Variants in QDPR observed in about 807,000 individuals in gnomAD.
QDPR encodes quinoid dihydropteridine reductase.
Under a neutral mutation model 31.7 loss-of-function variants are expected in QDPR, and 23 were observed. The ratio of observed to expected loss-of-function variants is 0.73; its 90% confidence interval spans 0.52 to 1.03. The LOEUF (loss-of-function observed/expected upper bound fraction) is 1.03. Among genes scored for constraint, QDPR ranks in the 50% least tolerant of loss-of-function variants. The pLI, the probability that QDPR is intolerant of heterozygous loss-of-function variation, is 0.00. For synonymous variants in QDPR, 124 were observed against 124.7 expected, an observed-to-expected ratio of 0.99 and a Z score of 0.03; for missense variants, 324 against 323.8, an observed-to-expected ratio of 1.00 and a Z score of 0.00.
intron 6 of QDPR, 47 bp downstream of exon 6, chr4:17,490,615 A>G (rs753312729): frequency 1.4e-6 from 2 of 1,476,498 alleles, no homozygotes; most frequent in East Asian, 4.5e-5. Context: ...CAGGCAGAGA[A>G]TAGGGGCTGG....
chr4:17,490,439 G>A, intron 6 of QDPR: 1 of 536,598 alleles, frequency 1.9e-6, no homozygotes, highest in East Asian at 3.5e-5. Flanking sequence ...GAGCGAGCCA[G>A]GATTCATGTC....
In QDPR at chr4:17,486,598, C is replaced by T. The variant is rs940599171; in HGVS notation, c.*533G>A. On this transcript the variant is annotated 3_prime_UTR_variant, in exon 7 of 7. Transcript: ENST00000281243. ...TACTCACGAGTAGTTATCTTGCACA[C>T]TTAACCCTAGGCCAGAGGACACGGG... 1 of 163,848 alleles carries T rather than the reference C, an allele frequency of 6.1e-6. No individual in the cohort carries two copies. Among genetic ancestry groups the T allele is most frequent in the African/African-American group, 2.4e-5 (1 of 41,690 alleles). 10.1% of individuals were successfully genotyped at this position (163,848 alleles called of 1,614,324 possible).
rs1717990051 is a variant in QDPR, at chr4:17,487,197, G to A, written c.669C>T (p.Ser223=). 5 of 1,614,122 alleles carry A rather than the reference G, an allele frequency of 3.1e-6. No homozygotes were observed. Among genetic ancestry groups the A allele is most frequent in the East Asian group, 4.5e-5 (2 of 44,874 alleles). The change falls in exon 7 of 7, where the codon AGC becomes AGT. Residue 223 remains serine, a synonymous_variant. Transcript: ENST00000281243. ...HDWITGKNRP[S]SGSLIQVVTT... The stretch of plus-strand genomic sequence containing the variant: ...TTACCACCTGGATTAGGCTTCCTGA[G>A]CTCGGTCGGTTTTTCCCTGTGATCC...
rs1362475419 is a variant in QDPR, at chr4:17,490,677, A to C, written c.614T>G (p.Leu205Ter). ...PEADFSSWTP[L>*]EFLVETFHDW... ...TAATACTCACTCAACTAGGAATTCTAAGGGTGTCCAGGAGCTGAAGTCAGC... is the reference window on the plus strand; with the variant it reads ...TAATACTCACTCAACTAGGAATTCTCAGGGTGTCCAGGAGCTGAAGTCAGC... The change falls in exon 6 of 7, where the codon TTA becomes TGA. Residue 205 changes from leucine to a stop codon, truncating the protein, a stop_gained. Coordinates refer to ENST00000281243, the MANE Select transcript of QDPR (RefSeq NM_000320.3). LOFTEE classifies it high-confidence loss of function. The C allele has an allele frequency of 1.2e-6, 2 of 1,613,622 alleles. No homozygotes were observed. The highest frequency in any genetic ancestry group is 2.2e-5 in the East Asian group (1 of 44,878).
intron 4 of QDPR, among the ~76,000 whole-genome samples, chr4:17,493,715 T>A (rs1311587310): frequency 1.3e-5 from 2 of 152,140 alleles, no homozygotes; most frequent in Non-Finnish European, 2.9e-5. Context: ...GTGCCCTCCA[T>A]GTGTTCAACC....
chr4:17,509,324 T>A lies in QDPR; in HGVS notation c.145A>T (p.Ser49Cys), dbSNP rs778063427. The change falls in exon 2 of 7, where the codon AGC becomes TGC. Residue 49 changes from serine (S) to cysteine (C), a missense_variant. Ser to Cys is a moderately radical substitution (Grantham distance 112). Coordinates refer to ENST00000281243, the MANE Select transcript of QDPR (RefSeq NM_000320.3). ...SVDVVENEEA[S>C]ASIIVKMTDS... is the part of the protein sequence containing the mutation. ...GTCATTTTAACAATGATGCTAGCGC[T>A]GGCCTCTTCATTCTCCACCACATCA... is the stretch of plus-strand genomic sequence containing the variant. 11 of 1,613,970 alleles carry A rather than the reference T, an allele frequency of 6.8e-6. No homozygotes were observed. The highest frequency in any genetic ancestry group is 5.1e-6 in the Non-Finnish European group (6 of 1,179,966).
intron 3 of QDPR, among the ~76,000 whole-genome samples, chr4:17,502,742 A>G (rs1462357289): frequency 6.6e-6 from 1 of 152,196 alleles, no homozygotes; most frequent in Non-Finnish European, 1.5e-5. Flanking sequence ...GAAAACTACC[A>G]TTTTCCAACC....
intron 4 of QDPR, among the ~76,000 whole-genome samples, chr4:17,496,441 T>C (rs1415090036): frequency 2.1e-4 from 2 of 9,624 alleles, no homozygotes; most frequent in Non-Finnish European, 4.5e-4. Flanking sequence ...CAAAACTGTC[T>C]CAAAAAAAAA....
At chr4:17,501,676 A>T in intron 4 of QDPR, 43 bp downstream of exon 4, 2 of 1,610,806 alleles carry the variant, frequency 1.2e-6, no homozygotes, top group South Asian at 2.2e-5. Context: ...CCAGCAAGCA[A>T]GGTAAGCAAC....
intron 1 of QDPR, chr4:17,509,893 A>G: frequency 2.2e-6 from 1 of 454,194 alleles, no homozygotes. Context: ...AGAGACATCA[A>G]GGGCCAGCAA....
At chr4:17,493,109 C>A (rs1393645443) in intron 4 of QDPR, among the ~76,000 whole-genome samples, 1 of 152,188 alleles carries the variant, frequency 6.6e-6, no homozygotes, top group Non-Finnish European at 1.5e-5. Flanking sequence ...ACAGTCAATT[C>A]TCTAAGTCTC....
At chr4:17,500,887 G>A (rs1718538569) in intron 4 of QDPR, among the ~76,000 whole-genome samples, 2 of 152,158 alleles carry the variant, frequency 1.3e-5, no homozygotes, top group Admixed American at 6.6e-5. Context: ...TTCCTAACCT[G>A]TAAACTGAAA....
At chr4:17,504,850 G>C (rs1560314610) in intron 2 of QDPR, among the ~76,000 whole-genome samples, 1 of 151,932 alleles carries the variant, frequency 6.6e-6, no homozygotes, top group African/African-American at 2.4e-5. Context: ...TTTCTTTCCA[G>C]ACTCTCTTCA....
chr4:17,492,896 G>T (rs897230884), intron 4 of QDPR, among the ~76,000 whole-genome samples: 1 of 152,152 alleles, frequency 6.6e-6, no homozygotes, highest in Non-Finnish European at 1.5e-5. Context: ...ATCACTAAAT[G>T]CTTGTGAGCA....
At chr4:17,495,456 C>T (rs986648389) in intron 4 of QDPR, among the ~76,000 whole-genome samples, 7 of 152,198 alleles carry the variant, frequency 4.6e-5, no homozygotes, top group Non-Finnish European at 1.0e-4. Flanking sequence ...ATCTGGACTT[C>T]GAGGCCAGGG....
intron 5 of QDPR, 76 bp from the exon 6 acceptor site, chr4:17,490,821 G>A: frequency 8.5e-7 from 1 of 1,182,076 alleles, no homozygotes; most frequent in Non-Finnish European, 1.2e-6. Context: ...CCTTGGCCAG[G>A]AAAACGCAAA....
intron 6 of QDPR, chr4:17,490,210 G>A (rs956304298): frequency 3.2e-5 from 7 of 215,820 alleles, no homozygotes; most frequent in Middle Eastern, 1.8e-3. Flanking sequence ...GGCCATCTAC[G>A]TGGTGTCCCC....
intron 6 of QDPR, 75 bp from the exon 7 acceptor site, chr4:17,487,311 G>T: frequency 8.9e-7 from 1 of 1,126,384 alleles, no homozygotes; most frequent in South Asian, 1.3e-5. Context: ...TCACAGTGAC[G>T]GCTTGTGGGG....
intron 3 of QDPR, among the ~76,000 whole-genome samples, chr4:17,502,607 T>C (rs905882166): frequency 6.6e-6 from 1 of 152,220 alleles, no homozygotes; most frequent in African/African-American, 2.4e-5. Flanking sequence ...AAAAAGGTTA[T>C]CAAGCTGTTT....
Sources: allele counts gnomAD v4.1 joint callset (sites outside exome capture counted in the v4.1 genomes callset), GRCh38; gene constraint gnomAD v4.1.1; transcripts MANE v1.5; gene names NCBI Gene and HGNC (gene_info 2026-07-23, HGNC 2026-07-21).